DNAH7: variants seen among roughly 807,000 people sequenced by gnomAD.
The protein encoded by DNAH7 is dynein axonemal heavy chain 7.
DNAH7 carries 397 observed loss-of-function variants against 444.6 expected under a neutral mutation model. That is an observed-to-expected ratio of 0.89 (90% CI 0.82 to 0.97). The LOEUF (loss-of-function observed/expected upper bound fraction) is 0.97, where lower values mean the gene tolerates loss of function less well. Ranked by LOEUF, DNAH7 falls within the 50% of genes least tolerant of loss-of-function variation. The probability of loss-of-function intolerance (pLI) is 0.00; values close to 1 mark genes in which losing one functional copy is unlikely to be tolerated. For synonymous variants in DNAH7, 1,636 were observed against 1,624.4 expected, an observed-to-expected ratio of 1.01 and a Z score of -0.17; for missense variants, 4,902 against 4,800.8, an observed-to-expected ratio of 1.02 and a Z score of -0.62.
intron 35 of DNAH7, among the ~76,000 whole-genome samples, chr2:195,882,839 C>T (rs533173243): frequency 6.6e-6 from 1 of 152,264 alleles, no homozygotes; most frequent in South Asian, 2.1e-4. Context: ...GCTGGTCCCC[C>T]CACCCCGCTT....
intron 5 of DNAH7, among the ~76,000 whole-genome samples, chr2:196,036,093 G>A (rs984505683): frequency 1.3e-4 from 19 of 148,508 alleles, no homozygotes; most frequent in Non-Finnish European, 2.2e-4. Context: ...GTGCAATGGC[G>A]TGATCTCAGC....
chr2:195,877,662 GACT>G (rs1240025947), intron 36 of DNAH7, among the ~76,000 whole-genome samples: 3 of 152,260 alleles, frequency 2.0e-5, no homozygotes, highest in Non-Finnish European at 4.4e-5. Flanking sequence ...TCTCATTAAT[GACT>G]ACATTTAGCA....
At chr2:195,797,448 GA>G (rs1696208133) in intron 55 of DNAH7, among the ~76,000 whole-genome samples, 1 of 152,164 alleles carries the variant, frequency 6.6e-6, no homozygotes, top group Non-Finnish European at 1.5e-5. Flanking sequence ...GCTGTTTCTG[GA>G]AGAAGAGGAG....
intron 15 of DNAH7, among the ~76,000 whole-genome samples, chr2:195,982,937 A>G (rs1370396860): frequency 1.3e-5 from 2 of 152,216 alleles, no homozygotes; most frequent in African/African-American, 4.8e-5. Context: ...AGATGACTAT[A>G]TCAATAATTT....
intron 63 of DNAH7, among the ~76,000 whole-genome samples, chr2:195,747,733 ACCACATGATTATCTCAATAGATG>A (rs1245530031): frequency 2.6e-5 from 4 of 152,304 alleles, no homozygotes; most frequent in African/African-American, 9.6e-5. Flanking sequence ...AAAGACAAAA[ACCACATGATTATCTCAATAGATG>A]CAGAAAAGGC....
rs1163211058 is a variant in DNAH7 at position 195,853,335 on chromosome 2, T to C, written c.8781+8A>G. 118 of 1,611,516 alleles carry C rather than the reference T, an allele frequency of 7.3e-5. No homozygotes were observed. The highest frequency in any genetic ancestry group is 9.0e-5 in the Non-Finnish European group (106 of 1,178,778). On this transcript the variant is annotated splice_region_variant and intron_variant, in intron 46 of 64. Transcript: ENST00000312428. ...AGGGTCAGGAAGAGATGGAATAGTG[T>C]CCCTTACCTGTCTATAGGTGGATGT...
intron 48 of DNAH7, among the ~76,000 whole-genome samples, chr2:195,830,758 G>A (rs1698028950): frequency 6.6e-6 from 1 of 152,204 alleles, no homozygotes; most frequent in African/African-American, 2.4e-5. Flanking sequence ...TGTTGTTTCA[G>A]TGCTGGCTGC....
At chr2:195,964,760 T>C (rs1218761228) in intron 17 of DNAH7, among the ~76,000 whole-genome samples, 1 of 150,650 alleles carries the variant, frequency 6.6e-6, no homozygotes, top group Non-Finnish European at 1.5e-5. Flanking sequence ...CTTGTAGTCC[T>C]AGCTACTAGA....
At chr2:195,760,000 T>C (rs997222190) in intron 61 of DNAH7, among the ~76,000 whole-genome samples, 1 of 152,096 alleles carries the variant, frequency 6.6e-6, no homozygotes, top group African/African-American at 2.4e-5. Flanking sequence ...AATAGAAAAA[T>C]CTTCTTAATC....
At chr2:195,927,220 G>T (rs533923943) in intron 21 of DNAH7, among the ~76,000 whole-genome samples, 1 of 152,106 alleles carries the variant, frequency 6.6e-6, no homozygotes, top group Non-Finnish European at 1.5e-5. Context: ...ACCAGCCATC[G>T]GTGGGAAACA....
chr2:195,888,216 T>C, intron 33 of DNAH7, 42 bp downstream of exon 33: 1 of 1,514,184 alleles, frequency 6.6e-7, no homozygotes. Context: ...TAATTTGAGT[T>C]TTCCATTTAT....
intron 28 of DNAH7, among the ~76,000 whole-genome samples, chr2:195,898,834 T>C (rs1265171667): frequency 1.3e-5 from 2 of 152,234 alleles, no homozygotes; most frequent in Admixed American, 1.3e-4. Context: ...ACAAATCTGG[T>C]TGAACTCTTA....
chr2:195,813,651 TG>T (rs1687170642), intron 51 of DNAH7, among the ~76,000 whole-genome samples: 1 of 152,226 alleles, frequency 6.6e-6, no homozygotes, highest in South Asian at 2.1e-4. Context: ...TGTGATGTAA[TG>T]GGTTTATCTG....
At chr2:195,951,082 T>C (rs1001666798) in intron 19 of DNAH7, among the ~76,000 whole-genome samples, 2 of 152,142 alleles carry the variant, frequency 1.3e-5, no homozygotes, top group African/African-American at 4.8e-5. Context: ...CATTTAGTGC[T>C]ATAAAGTTCC....
chr2:196,002,471 AATG>A (rs1396861762), intron 10 of DNAH7, among the ~76,000 whole-genome samples: 3 of 152,224 alleles, frequency 2.0e-5, no homozygotes, highest in South Asian at 2.1e-4. Context: ...ATAGGTACAT[AATG>A]ATGATAATAA....
chr2:195,840,371 G>A (rs543918459), intron 47 of DNAH7, among the ~76,000 whole-genome samples: 3 of 151,704 alleles, frequency 2.0e-5, no homozygotes, highest in Non-Finnish European at 3.0e-5. Context: ...ATGATACAAA[G>A]GAGGTAAAAA....
At chr2:195,947,245 C>G (rs149765583) in intron 19 of DNAH7, among the ~76,000 whole-genome samples, 1 of 151,574 alleles carries the variant, frequency 6.6e-6, no homozygotes, top group African/African-American at 2.4e-5. Context: ...AATCCACCGC[C>G]TTGGCCTCCC....
intron 46 of DNAH7, among the ~76,000 whole-genome samples, chr2:195,851,654 A>G (rs1457525721): frequency 6.6e-6 from 1 of 152,150 alleles, no homozygotes; most frequent in Non-Finnish European, 1.5e-5. Flanking sequence ...TGAGTCTGTC[A>G]GAGAGGGCCT....
chr2:195,861,855 A>C lies in DNAH7; in HGVS notation c.7598T>G (p.Met2533Arg). The C allele has an allele frequency of 6.2e-7, 1 of 1,613,982 alleles. No individual in the cohort carries two copies. The highest frequency in any genetic ancestry group is 8.5e-7 in the Non-Finnish European group (1 of 1,179,860). ...SEEIRDGCID[M>R]CKSFHTSTID... ...AGTAGAAGTGTGGAAGCTTTTACAC[A>C]TGTCGATACAGCCATCTCGTATTTC... The change falls in exon 42 of 65, where the codon ATG (methionine) becomes AGG (arginine). Residue 2533 changes from methionine (M) to arginine (R), a missense_variant. Met to Arg is a moderately conservative substitution (Grantham distance 91). Coordinates refer to ENST00000312428, the MANE Select transcript of DNAH7 (RefSeq NM_018897.3).
Sources: gnomAD v4.1 joint callset for allele counts (sites outside exome capture counted in the v4.1 genomes callset) on GRCh38, gnomAD v4.1.1 for gene constraint, MANE v1.5 for transcripts, NCBI Gene and HGNC (gene_info 2026-07-23, HGNC 2026-07-21) for gene names.